Variants in EPB41 observed in about 807,000 individuals in gnomAD.
EPB41 encodes the protein protein 4.1.
A neutral mutation model predicts 108.0 loss-of-function variants in EPB41; 65 were observed. The observed-to-expected ratio is 0.60, with a 90% CI of 0.49 to 0.74. The LOEUF is 0.74. Among genes scored for constraint, EPB41 ranks in the 30% least tolerant of loss-of-function variants. The probability of loss-of-function intolerance (pLI) is 0.00; values close to 1 mark genes in which losing one functional copy is unlikely to be tolerated. For synonymous variants in EPB41, 336 were observed against 358.9 expected, an observed-to-expected ratio of 0.94 and a Z score of 0.72; for missense variants, 875 against 1,037.0, an observed-to-expected ratio of 0.84 and a Z score of 2.15.
chr1:29,078,591 C>CA (rs971934041), intron 16 of EPB41, among the ~76,000 whole-genome samples: 15 of 149,950 alleles, frequency 1.0e-4, no homozygotes, highest in African/African-American at 3.2e-4. Flanking sequence ...CCATCTCTAC[C>CA]AAAAAAAAAT....
chr1:29,072,279 A>G (rs1292243948), intron 16 of EPB41: 1 of 152,212 alleles, frequency 6.6e-6, no homozygotes, highest in African/African-American at 2.4e-5. Flanking sequence ...ACAGAAAGTA[A>G]TAATCATGAG....
At position 29,109,271 on chromosome 1, in the gene EPB41, G is replaced by A. The variant is rs1668359589; in HGVS notation, c.2314-65G>A. The A allele has an allele frequency of 4.1e-6, 5 of 1,228,340 alleles. No homozygotes were observed. In the South Asian group the frequency reaches 4.8e-5, roughly 12 times the overall value. 76.1% of individuals were successfully genotyped at this position (1,228,340 alleles called of 1,614,324 possible). On this transcript the variant is annotated intron_variant, in intron 17 of 20. Transcript: ENST00000343067. ...GAATGTGCAGCTGAAGAGCAAAGCT[G>A]CAGCCTGCAACATTTGCCCAGTCTT... is the stretch of plus-strand genomic sequence containing the variant.
At chr1:29,066,157 A>G (rs1258392324) in intron 16 of EPB41, among the ~76,000 whole-genome samples, 1 of 152,030 alleles carries the variant, frequency 6.6e-6, no homozygotes, top group African/African-American at 2.4e-5. Flanking sequence ...GCGGTGGCTC[A>G]CGCCTGTAAT....
intron 1 of EPB41, among the ~76,000 whole-genome samples, chr1:28,888,076 G>A (rs1213352446): frequency 2.6e-5 from 4 of 152,210 alleles, no homozygotes; most frequent in Non-Finnish European, 5.9e-5. Flanking sequence ...AGACCAACCC[G>A]AGCCCGAGCT....
At chr1:29,106,040 G>A (rs760724255) in intron 17 of EPB41, among the ~76,000 whole-genome samples, 2 of 152,102 alleles carry the variant, frequency 1.3e-5, no homozygotes, top group Non-Finnish European at 2.9e-5. Flanking sequence ...ATGAGCCACC[G>A]TGCCTGGCCA....
chr1:29,096,575 C>T (rs923061539), intron 16 of EPB41: 24 of 985,642 alleles, frequency 2.4e-5, no homozygotes, highest in Non-Finnish European at 2.8e-5. Context: ...TGTGGGTAAC[C>T]AGTTCCCCAC....
At chr1:28,921,448 G>C (rs2093060508) in intron 1 of EPB41, among the ~76,000 whole-genome samples, 1 of 151,898 alleles carries the variant, frequency 6.6e-6, no homozygotes, top group Non-Finnish European at 1.5e-5. Flanking sequence ...TGGCCATATG[G>C]ACACAGGCAG....
rs549547289 is a variant in EPB41, at chr1:29,115,133, C to T, written c.2497-566C>T. Among the ~76,000 whole-genome samples the T allele has an allele frequency of 7.2e-5, 11 of 152,120 alleles. No individual in the cohort carries two copies. The highest frequency in any genetic ancestry group is 1.5e-4 in the Non-Finnish European group (10 of 68,028). On this transcript the variant is annotated intron_variant, in intron 19 of 20. Coordinates refer to ENST00000343067, the MANE Select transcript of EPB41 (RefSeq NM_001376013.1). The surrounding 1 kb of genome is among the most constrained non-coding windows in gnomAD (Gnocchi z 4.4). ...ATAGGCCAGGTGCAGTGGCTCACAC[C>T]TGTCATCCCAGCACTTTGGGAGGCC...
rs574699033 is a variant in EPB41, at chr1:29,097,426, G to A, written c.2185-381G>A. 22 of 287,042 alleles carry A rather than the reference G, an allele frequency of 7.7e-5. No individual in the cohort carries two copies. The South Asian group carries it at 8.0e-4, about 10-fold the overall frequency. 17.8% of individuals were successfully genotyped at this position (287,042 alleles called of 1,614,324 possible). ...ATTCGTACTTAGTGGAGGAAATGTG[G>A]CTGATTTTCTTAATTATAATGGTAC... On this transcript the variant is annotated intron_variant, in intron 16 of 20. Transcript: ENST00000343067.
intron 2 of EPB41, among the ~76,000 whole-genome samples, chr1:28,992,963 G>T (rs1048718551): frequency 2.6e-5 from 4 of 152,088 alleles, no homozygotes; most frequent in African/African-American, 4.8e-5. Context: ...AGTTTGTAAG[G>T]CTACATTGCT....
intron 17 of EPB41, among the ~76,000 whole-genome samples, chr1:29,099,278 A>AG: frequency 6.6e-6 from 1 of 150,942 alleles, no homozygotes; most frequent in Non-Finnish European, 1.5e-5. Context: ...TAAAAAAAAA[A>AG]AAAAAAAAGA....
At chr1:28,919,156 G>A (rs2092893847) in intron 1 of EPB41, among the ~76,000 whole-genome samples, 1 of 152,058 alleles carries the variant, frequency 6.6e-6, no homozygotes, top group South Asian at 2.1e-4. Flanking sequence ...TTCAAATATT[G>A]GTTTTGGGAA....
chr1:28,917,596 T>C (rs2092777738), intron 1 of EPB41, among the ~76,000 whole-genome samples: 1 of 151,356 alleles, frequency 6.6e-6, no homozygotes, highest in African/African-American at 2.4e-5. Context: ...CATATGTTTT[T>C]AGAGACAGGG....
chr1:28,931,470 A>AT (rs1362503360), intron 1 of EPB41, among the ~76,000 whole-genome samples: 1 of 149,728 alleles, frequency 6.7e-6, no homozygotes, highest in Non-Finnish European at 1.5e-5. Context: ...GTCATAGTTC[A>AT]TTTTTTTCTG....
chr1:29,099,427 G>A (rs891336373), intron 17 of EPB41, among the ~76,000 whole-genome samples: 1 of 152,088 alleles, frequency 6.6e-6, no homozygotes, highest in Non-Finnish European at 1.5e-5. Context: ...CCAGGCTCAA[G>A]CAGTTCTCCC....
intron 4 of EPB41, among the ~76,000 whole-genome samples, chr1:29,009,604 C>A (rs1034271077): frequency 1.3e-5 from 2 of 152,116 alleles, no homozygotes; most frequent in Non-Finnish European, 2.9e-5. Flanking sequence ...ATGGTATAAA[C>A]CAAGGTTCTC....
intron 11 of EPB41, among the ~76,000 whole-genome samples, chr1:29,040,343 A>C (rs1018989681): frequency 6.6e-6 from 1 of 151,710 alleles, no homozygotes; most frequent in Non-Finnish European, 1.5e-5. Flanking sequence ...GCAGTGACTC[A>C]ACCTCGGCCC....
Position 29,033,111 on chromosome 1 carries a change from A to C in EPB41, c.1231A>C (p.Ile411Leu). 2.5e-6 allele frequency: 4 copies of C among 1,613,950 alleles called. No individual in the cohort carries two copies. The highest frequency in any genetic ancestry group is 3.4e-6 in the Non-Finnish European group (4 of 1,179,918). ...TTTTCAGGACTTGGAAGGAGTAGAT[A>C]TCATCCTAGGTGTCTGCTCTAGTGG... ...HKAKDLEGVD[I>L]ILGVCSSGLL... is the part of the protein sequence containing the mutation. The change falls in exon 9 of 21, where the codon ATC (isoleucine) becomes CTC (leucine). Residue 411 changes from isoleucine (I) to leucine (L), a missense_variant. Ile to Leu is a conservative substitution (Grantham distance 5, BLOSUM62 2). This residue lies in a region of EPB41 where 519 missense variants were observed against 627.3 expected (regional missense o/e 0.83). Transcript: ENST00000343067.
At chr1:29,083,483 T>TC (rs1404463600) in intron 16 of EPB41, among the ~76,000 whole-genome samples, 2 of 152,190 alleles carry the variant, frequency 1.3e-5, no homozygotes, top group Non-Finnish European at 2.9e-5. Context: ...TCTTCTGTCT[T>TC]CATTTGTTTC....
Sources: allele counts gnomAD v4.1 joint callset (sites outside exome capture counted in the v4.1 genomes callset), GRCh38; gene constraint gnomAD v4.1.1; regional missense constraint gnomAD v4.1.1; non-coding constraint Gnocchi (gnomAD v3.1); transcripts MANE v1.5; gene names NCBI Gene and HGNC (gene_info 2026-07-23, HGNC 2026-07-21).